Variants in SUCLA2 observed in about 807,000 individuals in gnomAD.
SUCLA2 encodes succinate--CoA ligase [ADP-forming] subunit beta, mitochondrial.
A neutral mutation model predicts 54.8 loss-of-function variants in SUCLA2; 30 were observed. The observed-to-expected ratio is 0.55, with a 90% CI of 0.41 to 0.74. The LOEUF (loss-of-function observed/expected upper bound fraction) is 0.74. SUCLA2 is among the 30% of genes least tolerant of loss of function. The probability of loss-of-function intolerance (pLI) is 0.00; values close to 1 mark genes in which losing one functional copy is unlikely to be tolerated. For synonymous variants in SUCLA2, 172 were observed against 188.9 expected, an observed-to-expected ratio of 0.91 and a Z score of 0.74; for missense variants, 476 against 562.9, an observed-to-expected ratio of 0.85 and a Z score of 1.56.
chr13:47,964,866 A>AC (rs141441774), intron 6 of SUCLA2, among the ~76,000 whole-genome samples: 12 of 152,078 alleles, frequency 7.9e-5, no homozygotes, highest in Admixed American at 7.9e-4. Context: ...CAAAAAAAAA[A>AC]TGTCATCACT....
chr13:47,978,235 T>C (rs950139895), intron 4 of SUCLA2, among the ~76,000 whole-genome samples: 13 of 152,152 alleles, frequency 8.5e-5, no homozygotes, highest in African/African-American at 3.1e-4. Context: ...AGAACAAAGC[T>C]GGAGGCATCA....
intron 4 of SUCLA2, 44 bp downstream of exon 4, chr13:47,988,497 T>G: frequency 6.3e-7 from 1 of 1,599,778 alleles, no homozygotes; most frequent in Non-Finnish European, 8.6e-7. Flanking sequence ...TGAAATTGAA[T>G]GTCATAAATT....
intron 5 of SUCLA2, among the ~76,000 whole-genome samples, chr13:47,971,138 C>T (rs1379370502): frequency 1.3e-5 from 2 of 152,164 alleles, no homozygotes; most frequent in Admixed American, 6.5e-5. Context: ...TTAGGCCAGG[C>T]GCGGCGGCTC....
intron 8 of SUCLA2, among the ~76,000 whole-genome samples, chr13:47,952,919 C>G (rs993193769): frequency 6.6e-6 from 1 of 151,980 alleles, no homozygotes; most frequent in Non-Finnish European, 1.5e-5. Context: ...CTTCCTCTTG[C>G]CCTCATTTAA....
At chr13:47,951,330 G>A (rs9534881) in intron 8 of SUCLA2, among the ~76,000 whole-genome samples, 94,986 of 122,530 alleles carry the variant, frequency 0.78, 35,380 homozygotes, top group Non-Finnish European at 0.83. Flanking sequence ...CCGCTCCCAA[G>A]AAAAAGCCTC....
intron 4 of SUCLA2, among the ~76,000 whole-genome samples, chr13:47,984,694 T>C (rs1335268205): frequency 1.3e-5 from 2 of 151,974 alleles, no homozygotes; most frequent in African/African-American, 4.8e-5. Context: ...GGGAATCACT[T>C]GAACTTGGGA....
At chr13:47,989,121 C>G in intron 2 of SUCLA2, 140 bp from the exon 3 acceptor site, 1 of 807,438 alleles carries the variant, frequency 1.2e-6, no homozygotes. Flanking sequence ...AAGGCATTCT[C>G]TTTATGTAGA....
At chr13:47,957,750 C>T (rs933131122) in intron 6 of SUCLA2, among the ~76,000 whole-genome samples, 1 of 152,016 alleles carries the variant, frequency 6.6e-6, no homozygotes, top group Non-Finnish European at 1.5e-5. Flanking sequence ...GTGTTGTGTC[C>T]GGGCAAGTGA....
chr13:47,954,631 C>T (rs942823993), intron 6 of SUCLA2, 74 bp from the exon 7 acceptor site: 1 of 1,481,300 alleles, frequency 6.8e-7, no homozygotes, highest in South Asian at 1.2e-5. Flanking sequence ...GTCAAATGGT[C>T]TTTCATTTAG....
chr13:47,962,969 T>A (rs1949883296), intron 6 of SUCLA2, among the ~76,000 whole-genome samples: 1 of 152,056 alleles, frequency 6.6e-6, no homozygotes. Context: ...CACGTATTCA[T>A]CATGACTGCT....
intron 6 of SUCLA2, among the ~76,000 whole-genome samples, chr13:47,956,054 G>A (rs772482840): frequency 5.3e-5 from 8 of 152,014 alleles, no homozygotes; most frequent in Admixed American, 2.6e-4. Context: ...GTAATGAAAC[G>A]GGGAAATGTA....
chr13:47,960,822 A>G (rs1949864960), intron 6 of SUCLA2, among the ~76,000 whole-genome samples: 1 of 152,182 alleles, frequency 6.6e-6, no homozygotes, highest in Non-Finnish European at 1.5e-5. Context: ...TTTGAAGATG[A>G]ACACTCATAA....
intron 8 of SUCLA2, among the ~76,000 whole-genome samples, chr13:47,953,272 T>C (rs924401957): frequency 4.6e-5 from 7 of 152,136 alleles, no homozygotes; most frequent in Non-Finnish European, 8.8e-5. Context: ...AATAAACAAC[T>C]AGAATTCTAA....
chr13:47,981,576 G>C (rs1028767682), intron 4 of SUCLA2, among the ~76,000 whole-genome samples: 1 of 152,178 alleles, frequency 6.6e-6, no homozygotes, highest in African/African-American at 2.4e-5. Flanking sequence ...CAGCACTTTG[G>C]GAGGCCAAAG....
At chr13:47,967,848 CAAAA>C (rs11349393) in intron 6 of SUCLA2, among the ~76,000 whole-genome samples, 3 of 96,156 alleles carry the variant, frequency 3.1e-5, no homozygotes, top group Non-Finnish European at 4.4e-5. Context: ...GACTCAGTCT[CAAAA>C]AAAAAAAAAA....
chr13:47,995,178 C>A (rs1171087829), intron 2 of SUCLA2, among the ~76,000 whole-genome samples: 1 of 152,012 alleles, frequency 6.6e-6, no homozygotes, highest in Non-Finnish European at 1.5e-5. Context: ...AACATAGTGA[C>A]CCTATCTCTA....
chr13:47,980,233 G>A (rs1175110695), intron 4 of SUCLA2, among the ~76,000 whole-genome samples: 4 of 151,962 alleles, frequency 2.6e-5, no homozygotes, highest in Non-Finnish European at 5.9e-5. Context: ...TGGCTAACAC[G>A]GTGAAACTCC....
chr13:47,963,903 A>C (rs1174962145), intron 6 of SUCLA2, among the ~76,000 whole-genome samples: 1 of 152,216 alleles, frequency 6.6e-6, no homozygotes, highest in Non-Finnish European at 1.5e-5. Flanking sequence ...GACAAGGAAA[A>C]CTGAAGATAA....
intron 8 of SUCLA2, among the ~76,000 whole-genome samples, chr13:47,953,424 G>A (rs543658573): frequency 7.2e-5 from 11 of 152,224 alleles, no homozygotes; most frequent in African/African-American, 2.6e-4. Context: ...ACTTGTTTTA[G>A]TAATTACTAA....
Sources: gnomAD v4.1 joint callset for allele counts (sites outside exome capture counted in the v4.1 genomes callset) on GRCh38, gnomAD v4.1.1 for gene constraint, MANE v1.5 for transcripts, NCBI Gene and HGNC (gene_info 2026-07-23, HGNC 2026-07-21) for gene names.